The following SYN2 variants were observed in gnomAD, a reference collection of about 807,000 sequenced individuals.
The protein encoded by SYN2 is synapsin II, also known as synapsin-2.
A neutral mutation model predicts 50.9 loss-of-function variants in SYN2; 19 were observed. The observed-to-expected ratio is 0.37, with a 90% confidence interval of 0.26 to 0.55. SYN2 has a LOEUF of 0.55. Among genes scored for constraint, SYN2 ranks in the 20% least tolerant of loss-of-function variants. The pLI, the probability that SYN2 is intolerant of heterozygous loss-of-function variation, is 0.81. For missense variants in SYN2, 587 were observed against 576.4 expected (o/e 1.02, Z -0.19); for synonymous variants, 255 against 224.9 (o/e 1.13, Z -1.20).
intron 1 of SYN2, among the ~76,000 whole-genome samples, chr3:12,028,294 G>T (rs1180656781): frequency 2.6e-5 from 4 of 151,668 alleles, no homozygotes; most frequent in Non-Finnish European, 5.9e-5. Context: ...ATTTCGGTTG[G>T]TTCCAAGTCT....
intron 1 of SYN2, among the ~76,000 whole-genome samples, chr3:12,128,988 A>G (rs577755809): frequency 1.3e-5 from 2 of 152,312 alleles, no homozygotes; most frequent in East Asian, 3.9e-4. Context: ...TGGAGCTTAC[A>G]TTTTGGTTGG....
At chr3:12,099,875 G>T (rs1052386921) in intron 1 of SYN2, among the ~76,000 whole-genome samples, 40 of 149,822 alleles carry the variant, frequency 2.7e-4, no homozygotes, top group Admixed American at 6.7e-5. Context: ...TGAGGCAGGA[G>T]AATGGCGTGA....
intron 1 of SYN2, among the ~76,000 whole-genome samples, chr3:12,055,648 C>T (rs141192877): frequency 2.4e-4 from 37 of 152,164 alleles, no homozygotes; most frequent in Admixed American, 3.9e-4. Flanking sequence ...TCAAATTATG[C>T]TTTGTGGTTT....
At chr3:12,096,171 A>G (rs1695928752) in intron 1 of SYN2, among the ~76,000 whole-genome samples, 1 of 152,226 alleles carries the variant, frequency 6.6e-6, no homozygotes, top group African/African-American at 2.4e-5. Context: ...AGGCCAGGTC[A>G]CCATCAGTGT....
intron 1 of SYN2, among the ~76,000 whole-genome samples, chr3:12,104,571 T>C (rs905685752): frequency 5.0e-4 from 2 of 3,986 alleles, no homozygotes; most frequent in Admixed American, 3.8e-3. Flanking sequence ...TTTTCTTTTC[T>C]TTTTTTTTTT....
At chr3:12,050,762 T>C (rs1238648745) in intron 1 of SYN2, among the ~76,000 whole-genome samples, 1 of 127,056 alleles carries the variant, frequency 7.9e-6, no homozygotes, top group Non-Finnish European at 1.6e-5. Context: ...GGAGTCTCGC[T>C]CTGTCGCCCA....
intron 1 of SYN2, among the ~76,000 whole-genome samples, chr3:12,041,622 C>T (rs1694620075): frequency 6.6e-6 from 1 of 152,134 alleles, no homozygotes; most frequent in African/African-American, 2.4e-5. Flanking sequence ...GAGCCACAGC[C>T]TTCTAGTTCG....
intron 1 of SYN2, among the ~76,000 whole-genome samples, chr3:12,112,837 G>T (rs943181172): frequency 1.3e-5 from 2 of 152,094 alleles, no homozygotes; most frequent in African/African-American, 4.8e-5. Context: ...AATACCCCAG[G>T]AGTTAAGTCA....
intron 1 of SYN2, among the ~76,000 whole-genome samples, chr3:12,044,181 TCA>T (rs1553610019): frequency 0.023 from 1,209 of 53,242 alleles, 10 homozygotes; most frequent in South Asian, 0.09. Context: ...TCTCTCTCTC[TCA>T]CACACACACA....
At chr3:12,051,637 T>C (rs1307364058) in intron 1 of SYN2, among the ~76,000 whole-genome samples, 2 of 152,222 alleles carry the variant, frequency 1.3e-5, no homozygotes, top group African/African-American at 4.8e-5. Flanking sequence ...ATCTCTAAAC[T>C]TCAAGTAGAT....
chr3:12,145,154 C>T (rs536336192), intron 3 of SYN2, among the ~76,000 whole-genome samples: 25 of 152,162 alleles, frequency 1.6e-4, no homozygotes, highest in Non-Finnish European at 3.2e-4. Context: ...GCACTCCCAG[C>T]ACTTTGGGTG....
chr3:12,061,920 A>G lies in SYN2; in HGVS notation c.377+56992A>G, dbSNP rs141639582. 6.6e-3 allele frequency among the ~76,000 whole-genome samples: 1,011 copies of G among 152,188 alleles called. 7 individuals are homozygous for G. Among genetic ancestry groups the G allele is most frequent in the African/African-American group, 0.023 (962 of 41,572 alleles). On this transcript the variant is annotated intron_variant, in intron 1 of 12. Transcript: ENST00000621198. Reference sequence around the variant, plus strand: ...TCTATATTTATAGATTGGAAGACTCAATATTGTTAAGATGTCAAGTCTTCC... The same window carrying G: ...TCTATATTTATAGATTGGAAGACTCGATATTGTTAAGATGTCAAGTCTTCC...
intron 1 of SYN2, among the ~76,000 whole-genome samples, chr3:12,103,012 A>G (rs1382618300): frequency 6.6e-6 from 1 of 152,184 alleles, no homozygotes; most frequent in Non-Finnish European, 1.5e-5. Context: ...AGTGTGCCAG[A>G]TACAGTTCTA....
At chr3:12,106,423 G>A (rs193161130) in intron 1 of SYN2, among the ~76,000 whole-genome samples, 2 of 152,136 alleles carry the variant, frequency 1.3e-5, no homozygotes, top group Non-Finnish European at 1.5e-5. Context: ...CTGGGATTGT[G>A]GGGGTGGGGG....
At chr3:12,098,966 CAAAG>C (rs1321210619) in intron 1 of SYN2, among the ~76,000 whole-genome samples, 5 of 150,318 alleles carry the variant, frequency 3.3e-5, no homozygotes, top group African/African-American at 1.2e-4. Context: ...CTACCAGAGA[CAAAG>C]AAGAGCATGA....
chr3:12,076,948 GGAA>G (rs1242671214), intron 1 of SYN2, among the ~76,000 whole-genome samples: 2 of 152,104 alleles, frequency 1.3e-5, no homozygotes, highest in African/African-American at 4.8e-5. Context: ...GGTTTTAGAT[GGAA>G]GAAGAGGTGT....
chr3:12,147,229 T>G (rs1019824831), intron 4 of SYN2, among the ~76,000 whole-genome samples: 3 of 152,108 alleles, frequency 2.0e-5, no homozygotes, highest in Non-Finnish European at 2.9e-5. Context: ...GTGTGTGTGT[T>G]AACCAAACAG....
chr3:12,161,095 A>C (rs1043985322), intron 5 of SYN2, among the ~76,000 whole-genome samples: 8 of 152,222 alleles, frequency 5.3e-5, no homozygotes. Flanking sequence ...TGGGCCTTTG[A>C]AGGTTGTAGG....
intron 1 of SYN2, among the ~76,000 whole-genome samples, chr3:12,049,866 A>G (rs2125153871): frequency 6.6e-6 from 1 of 152,326 alleles, no homozygotes; most frequent in Middle Eastern, 3.4e-3. Flanking sequence ...TAAAATCAGT[A>G]CCTTGGAGAG....
Sources: allele counts gnomAD v4.1 joint callset (sites outside exome capture counted in the v4.1 genomes callset), GRCh38; gene constraint gnomAD v4.1.1; transcripts MANE v1.5; gene names NCBI Gene and HGNC (gene_info 2026-07-23, HGNC 2026-07-21).